NEDD4L: variants seen among roughly 807,000 people sequenced by gnomAD.
NEDD4L encodes the protein E3 ubiquitin-protein ligase NEDD4-like.
NEDD4L carries 54 observed loss-of-function variants against 148.9 expected under a neutral mutation model. That is an observed-to-expected ratio of 0.36 (90% CI 0.29 to 0.45). The LOEUF is 0.45. NEDD4L is among the 20% of genes least tolerant of loss of function. The pLI, the probability that NEDD4L is intolerant of heterozygous loss-of-function variation, is 1.00. For synonymous variants in NEDD4L, 433 were observed against 440.7 expected, an observed-to-expected ratio of 0.98 and a Z score of 0.22; for missense variants, 856 against 1,233.8, an observed-to-expected ratio of 0.69 and a Z score of 4.59.
chr18:58,219,310 A>G (rs2147891584), intron 2 of NEDD4L, among the ~76,000 whole-genome samples: 1 of 152,300 alleles, frequency 6.6e-6, no homozygotes, highest in East Asian at 1.9e-4. Context: ...TTGAGGCATG[A>G]GAACCTCATG....
intron 2 of NEDD4L, 132 bp from the exon 3 acceptor site, chr18:58,245,295 G>A (rs937561911): frequency 3.8e-6 from 2 of 526,912 alleles, no homozygotes; most frequent in Non-Finnish European, 6.9e-6. Flanking sequence ...ATGTTAAAAA[G>A]GTTATTGCTT....
chr18:58,060,315 T>C (rs1361598945), intron 1 of NEDD4L, among the ~76,000 whole-genome samples: 1 of 152,178 alleles, frequency 6.6e-6, no homozygotes, highest in African/African-American at 2.4e-5. Flanking sequence ...TTAGTAAGTA[T>C]GTTGCCCAGA....
rs778726271 is a variant in NEDD4L, at chr18:58,390,754, A to G, written c.2752+12A>G. On this transcript the variant is annotated intron_variant, in intron 29 of 30. Transcript: ENST00000400345. ...TGCCGAACTTTATGGTGAGCAGGAT[A>G]CCATTGGATTCAGTTGTCCTCCTGG... is the stretch of plus-strand genomic sequence containing the variant. 15 of 1,561,972 alleles carry G rather than the reference A, an allele frequency of 9.6e-6. No individual in the cohort carries two copies. The Middle Eastern group carries it at 5.0e-4, about 52-fold the overall frequency.
At chr18:58,088,629 T>G (rs953192247) in intron 1 of NEDD4L, among the ~76,000 whole-genome samples, 1 of 152,252 alleles carries the variant, frequency 6.6e-6, no homozygotes, top group Non-Finnish European at 1.5e-5. Flanking sequence ...TAAACTTCAT[T>G]ATTGCATTTT....
At chr18:58,266,808 A>G (rs957286139) in intron 5 of NEDD4L, among the ~76,000 whole-genome samples, 1 of 152,172 alleles carries the variant, frequency 6.6e-6, no homozygotes, top group Non-Finnish European at 1.5e-5. Context: ...GACCAATTAT[A>G]GGTACTAAGA....
intron 2 of NEDD4L, among the ~76,000 whole-genome samples, chr18:58,235,072 C>G (rs2045845067): frequency 6.6e-6 from 1 of 151,822 alleles, no homozygotes; most frequent in South Asian, 2.1e-4. Flanking sequence ...AGAATGTTCC[C>G]AGGTGTGTTC....
At chr18:58,308,476 A>C (rs2057312266) in intron 5 of NEDD4L, among the ~76,000 whole-genome samples, 1 of 152,236 alleles carries the variant, frequency 6.6e-6, no homozygotes, top group Non-Finnish European at 1.5e-5. Flanking sequence ...TAAGCATGAC[A>C]AGCTCTGGCT....
At chr18:58,200,891 C>T (rs1001995329) in intron 2 of NEDD4L, among the ~76,000 whole-genome samples, 1 of 152,216 alleles carries the variant, frequency 6.6e-6, no homozygotes, top group African/African-American at 2.4e-5. Flanking sequence ...CAGTAGGAGT[C>T]AGGTGTGGCC....
At chr18:58,339,604 T>C (rs970813082) in intron 13 of NEDD4L, among the ~76,000 whole-genome samples, 1 of 152,180 alleles carries the variant, frequency 6.6e-6, no homozygotes, top group African/African-American at 2.4e-5. Flanking sequence ...CGGGAAATAT[T>C]AAGGAAATGG....
At chr18:58,184,549 G>C (rs376499570) in intron 2 of NEDD4L, among the ~76,000 whole-genome samples, 4 of 152,078 alleles carry the variant, frequency 2.6e-5, no homozygotes, top group Admixed American at 2.0e-4. Flanking sequence ...CAGAGAAACC[G>C]ATCAGTTCAT....
chr18:58,198,754 G>T (rs1183060064), intron 2 of NEDD4L, among the ~76,000 whole-genome samples: 2 of 152,168 alleles, frequency 1.3e-5, no homozygotes, highest in Non-Finnish European at 2.9e-5. Flanking sequence ...ATTTTACAAA[G>T]CACTAATTCA....
In NEDD4L at chr18:58,341,784, C is replaced by G. The variant is rs1469777807; in HGVS notation, c.1364C>G (p.Ser455Cys). 1.2e-6 allele frequency: 2 copies of G among 1,613,126 alleles called. No homozygotes were observed. The highest frequency in any genetic ancestry group is 1.7e-6 in the Non-Finnish European group (2 of 1,179,676). The change falls in exon 15 of 31, where the codon TCT (serine) becomes TGT (cysteine). Residue 455 changes from serine (S) to cysteine (C), a missense_variant. Ser to Cys is a moderately radical substitution (Grantham distance 112). Coordinates refer to ENST00000400345, the MANE Select transcript of NEDD4L (RefSeq NM_001144967.3). Reference sequence around the variant, plus strand: ...CTCAGCTCGCCAACAGTAACTTTATCTGCCCCGCTGGAGGTGAGACGGCTA... The same window carrying G: ...CTCAGCTCGCCAACAGTAACTTTATGTGCCCCGCTGGAGGTGAGACGGCTA... ...RSLSSPTVTLSAPLEGAKDSP... is the reference protein window; with the variant it reads ...RSLSSPTVTLCAPLEGAKDSP...
chr18:58,342,061 G>T (rs2042501391), intron 15 of NEDD4L, among the ~76,000 whole-genome samples: 1 of 152,192 alleles, frequency 6.6e-6, no homozygotes, highest in Non-Finnish European at 1.5e-5. Flanking sequence ...TCTCTTTTCA[G>T]GACTTCCACC....
chr18:58,143,978 C>T (rs2033832899), intron 1 of NEDD4L, among the ~76,000 whole-genome samples: 1 of 152,090 alleles, frequency 6.6e-6, no homozygotes, highest in Non-Finnish European at 1.5e-5. Context: ...TTGATAGAAA[C>T]AGCAGGTGGT....
At chr18:58,298,156 C>A (rs183655742) in intron 5 of NEDD4L, among the ~76,000 whole-genome samples, 35 of 152,080 alleles carry the variant, frequency 2.3e-4, no homozygotes, top group Non-Finnish European at 3.7e-4. Flanking sequence ...TATGCCCTAC[C>A]GTTTTGGGTA....
chr18:58,217,727 C>T (rs1173279029), intron 2 of NEDD4L, among the ~76,000 whole-genome samples: 1 of 152,082 alleles, frequency 6.6e-6, no homozygotes, highest in African/African-American at 2.4e-5. Context: ...ATTGATCTAC[C>T]TGTAGAGCCA....
At chr18:58,236,610 G>C (rs886317284) in intron 2 of NEDD4L, among the ~76,000 whole-genome samples, 3 of 152,208 alleles carry the variant, frequency 2.0e-5, no homozygotes, top group African/African-American at 7.2e-5. Flanking sequence ...GGTTGTTGTA[G>C]GGATGAGCGA....
intron 1 of NEDD4L, among the ~76,000 whole-genome samples, chr18:58,088,656 GGGACATGGT>G (rs1219677928): frequency 1.3e-5 from 2 of 152,046 alleles, no homozygotes; most frequent in African/African-American, 2.4e-5. Flanking sequence ...AATGCAGCTG[GGGACATGGT>G]TTTATTACCC....
At chr18:58,268,044 C>G (rs1381189445) in intron 5 of NEDD4L, among the ~76,000 whole-genome samples, 2 of 151,956 alleles carry the variant, frequency 1.3e-5, no homozygotes, top group Non-Finnish European at 2.9e-5. Context: ...AATCAACTGT[C>G]AAAAGCCCAA....
Sources: allele counts gnomAD v4.1 joint callset (sites outside exome capture counted in the v4.1 genomes callset), GRCh38; gene constraint gnomAD v4.1.1; transcripts MANE v1.5; gene names NCBI Gene and HGNC (gene_info 2026-07-23, HGNC 2026-07-21).